The following PLD1 variants were observed in gnomAD, a reference collection of about 807,000 sequenced individuals.
PLD1 encodes the protein choline phosphatase 1.
Under a neutral mutation model 137.1 loss-of-function variants are expected in PLD1, and 112 were observed. That is an observed-to-expected ratio of 0.82 (90% confidence interval 0.70 to 0.96). The LOEUF (loss-of-function observed/expected upper bound fraction) is 0.96. Ranked by LOEUF, PLD1 falls within the 40% of genes least tolerant of loss-of-function variation. The pLI, the probability that PLD1 is intolerant of heterozygous loss-of-function variation, is 0.00. For synonymous variants in PLD1, 431 were observed against 454.7 expected (o/e 0.95, Z 0.66); for missense variants, 1,321 against 1,342.0 (o/e 0.98, Z 0.24).
intron 13 of PLD1, among the ~76,000 whole-genome samples, chr3:171,689,844 AGTAAG>A (rs1714973479): frequency 6.6e-6 from 1 of 152,244 alleles, no homozygotes; most frequent in African/African-American, 2.4e-5. Context: ...ATTGTAGTAA[AGTAAG>A]CATAACATAA....
intron 16 of PLD1, among the ~76,000 whole-genome samples, chr3:171,679,725 A>T (rs1244831001): frequency 1.3e-5 from 2 of 152,182 alleles, no homozygotes; most frequent in African/African-American, 4.8e-5. Context: ...ACCTGCTCAT[A>T]ATTCAAATTT....
At chr3:171,613,409 T>C (rs1337193294) in intron 24 of PLD1, among the ~76,000 whole-genome samples, 2 of 152,194 alleles carry the variant, frequency 1.3e-5, no homozygotes, top group African/African-American at 4.8e-5. Context: ...GCCTACCAGT[T>C]CAGTAGGAAA....
chr3:171,703,936 A>C (rs1271968765), intron 11 of PLD1, among the ~76,000 whole-genome samples: 1 of 152,178 alleles, frequency 6.6e-6, no homozygotes, highest in African/African-American at 2.4e-5. Context: ...ATGTAAATAC[A>C]CCTGGCTTGG....
chr3:171,686,783 T>C lies in PLD1; in HGVS notation c.1769A>G (p.Tyr590Cys), dbSNP rs1047396802. ...IDSTSSYFNH[Y>C]RSHHNLIHGL... ...ATGGATTAAATTGTGATGACTTCTATAGTGATTAAAATAACCTAGAGAAAT... is the reference window on the plus strand; with the variant it reads ...ATGGATTAAATTGTGATGACTTCTACAGTGATTAAAATAACCTAGAGAAAT... The change falls in exon 16 of 27, where the codon TAT becomes TGT. Residue 590 changes from tyrosine to cysteine, a missense_variant. Coordinates refer to ENST00000351298, the MANE Select transcript of PLD1 (RefSeq NM_002662.5). The C allele has an allele frequency of 9.1e-6, 14 of 1,534,430 alleles. No individual in the cohort carries two copies. Among genetic ancestry groups the C allele is most frequent in the Middle Eastern group, 1.7e-4 (1 of 5,894 alleles).
chr3:171,650,896 C>T (rs73883012), intron 21 of PLD1, among the ~76,000 whole-genome samples: 35,261 of 150,850 alleles, frequency 0.23, 4,386 homozygotes, highest in Admixed American at 0.3. Context: ...AGCGAGAATC[C>T]GTCTCAAAAA....
At chr3:171,717,268 A>T (rs1717752118) in intron 8 of PLD1, among the ~76,000 whole-genome samples, 1 of 152,198 alleles carries the variant, frequency 6.6e-6, no homozygotes, top group Non-Finnish European at 1.5e-5. Flanking sequence ...TTTGGTGGGA[A>T]TAGCATTGAA....
intron 23 of PLD1, among the ~76,000 whole-genome samples, chr3:171,642,472 A>AAAG (rs1248193219): frequency 2.6e-5 from 4 of 151,000 alleles, no homozygotes; most frequent in African/African-American, 9.7e-5. Context: ...AAAAAAAAAA[A>AAAG]AAAAAAAAAG....
At chr3:171,788,193 CAA>C (rs1282515100) in intron 1 of PLD1, among the ~76,000 whole-genome samples, 1 of 115,606 alleles carries the variant, frequency 8.7e-6, no homozygotes. Context: ...AAATCCATCT[CAA>C]AAAAAAAAAA....
intron 1 of PLD1, among the ~76,000 whole-genome samples, chr3:171,743,998 C>A (rs1166224010): frequency 6.6e-6 from 1 of 152,206 alleles, no homozygotes; most frequent in African/African-American, 2.4e-5. Context: ...ACCACAGACA[C>A]ACTCAGATGT....
intron 13 of PLD1, among the ~76,000 whole-genome samples, chr3:171,689,088 G>A (rs746168903): frequency 3.0e-4 from 46 of 151,420 alleles, no homozygotes; most frequent in Non-Finnish European, 8.8e-5. Flanking sequence ...AAGCTCCCAC[G>A]CCCATATACT....
At chr3:171,705,725 T>C (rs148796207) in intron 11 of PLD1, among the ~76,000 whole-genome samples, 244 of 152,306 alleles carry the variant, frequency 1.6e-3, no homozygotes, top group Middle Eastern at 3.4e-3. Flanking sequence ...TGTGGAAGAA[T>C]TGAAACTCTC....
At chr3:171,799,537 G>A (rs1205065267) in intron 1 of PLD1, among the ~76,000 whole-genome samples, 1 of 151,986 alleles carries the variant, frequency 6.6e-6, no homozygotes, top group East Asian at 1.9e-4. Context: ...GGAAGTAAAG[G>A]GAATGAAATC....
At chr3:171,805,405 A>G (rs917031706) in intron 1 of PLD1, among the ~76,000 whole-genome samples, 2 of 152,206 alleles carry the variant, frequency 1.3e-5, no homozygotes, top group Non-Finnish European at 2.9e-5. Flanking sequence ...GATTAGCTCT[A>G]GTATGGTCAT....
chr3:171,697,136 T>C (rs1715775849), intron 12 of PLD1, among the ~76,000 whole-genome samples: 1 of 152,146 alleles, frequency 6.6e-6, no homozygotes, highest in African/African-American at 2.4e-5. Flanking sequence ...CAAGTTAACT[T>C]AGATGTCTTG....
chr3:171,624,357 A>G (rs1733901494), intron 23 of PLD1, among the ~76,000 whole-genome samples: 1 of 152,150 alleles, frequency 6.6e-6, no homozygotes, highest in South Asian at 2.1e-4. Flanking sequence ...AAAAATAAAA[A>G]GTACGACAAC....
intron 12 of PLD1, among the ~76,000 whole-genome samples, chr3:171,696,877 A>G (rs1487732842): frequency 6.6e-6 from 1 of 152,230 alleles, no homozygotes; most frequent in African/African-American, 2.4e-5. Flanking sequence ...TACCAGCTCC[A>G]AGAAGTGGAT....
rs3774039 is a variant in PLD1, at chr3:171,662,384, G to A, written c.2230-214C>T. Among the ~76,000 whole-genome samples, 67,148 of 151,928 alleles carry A rather than the reference G, an allele frequency of 0.44. 15,066 individuals carry two copies. The highest frequency in any genetic ancestry group is 0.48 in the African/African-American group (20,062 of 41,452). On this transcript the variant is annotated intron_variant, in intron 19 of 26. Coordinates refer to ENST00000351298, the MANE Select transcript of PLD1 (RefSeq NM_002662.5). ...ACTGGTCCTTGGATGTAGTCCATAA[G>A]GAAGGTCCTCAGCTGGAAATCACAT...
At chr3:171,698,042 G>A (rs892898465) in intron 12 of PLD1, among the ~76,000 whole-genome samples, 3 of 152,148 alleles carry the variant, frequency 2.0e-5, no homozygotes, top group Admixed American at 1.3e-4. Flanking sequence ...ACGCAAGGCT[G>A]GAAAAATGTA....
chr3:171,655,585 G>A (rs918806201), intron 21 of PLD1, among the ~76,000 whole-genome samples: 5 of 151,954 alleles, frequency 3.3e-5, no homozygotes, highest in Non-Finnish European at 7.4e-5. Flanking sequence ...AAATCCTCCC[G>A]CCTCCGCCTC....
Sources: gnomAD v4.1 joint callset for allele counts (sites outside exome capture counted in the v4.1 genomes callset) on GRCh38, gnomAD v4.1.1 for gene constraint, MANE v1.5 for transcripts, NCBI Gene and HGNC (gene_info 2026-07-23, HGNC 2026-07-21) for gene names.